The following UMAD1 variants were observed in gnomAD, a reference collection of about 807,000 sequenced individuals.
UMAD1 encodes UBAP1-MVB12-associated (UMA)-domain containing protein 1.
UMAD1 carries 8 observed loss-of-function variants against 6.1 expected under a neutral mutation model. That is an observed-to-expected ratio of 1.30 (90% CI 0.76 to 2.35). The LOEUF (loss-of-function observed/expected upper bound fraction) is 2.35. Ranked by LOEUF, UMAD1 falls within the 30% of genes most tolerant of loss-of-function variation. The pLI, the probability that UMAD1 is intolerant of heterozygous loss-of-function variation, is 0.00. For missense variants in UMAD1, 130 were observed against 78.4 expected, an observed-to-expected ratio of 1.66 and a Z score of -2.49; for synonymous variants, 56 against 31.4, an observed-to-expected ratio of 1.78 and a Z score of -2.61.
At chr7:7,642,613 G>A (rs574212065) in intron 1 of UMAD1, among the ~76,000 whole-genome samples, 8 of 152,104 alleles carry the variant, frequency 5.3e-5, no homozygotes, top group Middle Eastern at 6.8e-3. Context: ...CAGCTTTTTC[G>A]TGTATTTTTG....
intron 3 of UMAD1, among the ~76,000 whole-genome samples, chr7:7,803,526 A>G (rs1371081607): frequency 4.6e-5 from 7 of 152,210 alleles, no homozygotes. Context: ...GGATGGTTCA[A>G]AAATCATCCA....
At chr7:7,684,200 G>C (rs1490746862) in intron 2 of UMAD1, among the ~76,000 whole-genome samples, 2 of 151,852 alleles carry the variant, frequency 1.3e-5, no homozygotes, top group Admixed American at 1.3e-4. Context: ...GTTTAGCACA[G>C]ATGCAATTTT....
intron 2 of UMAD1, among the ~76,000 whole-genome samples, chr7:7,758,133 C>T (rs1377002639): frequency 6.6e-6 from 1 of 151,986 alleles, no homozygotes; most frequent in Non-Finnish European, 1.5e-5. Flanking sequence ...TGGTCTTGAA[C>T]TCCTGGGCTC....
At chr7:7,844,824 G>A (rs932569940) in intron 3 of UMAD1, among the ~76,000 whole-genome samples, 5 of 151,972 alleles carry the variant, frequency 3.3e-5, no homozygotes, top group Admixed American at 2.0e-4. Flanking sequence ...AAAATATTAG[G>A]GACCCCTTAA....
chr7:7,765,542 TC>T (rs1423637407), intron 2 of UMAD1, among the ~76,000 whole-genome samples: 1 of 152,218 alleles, frequency 6.6e-6, no homozygotes, highest in African/African-American at 2.4e-5. Flanking sequence ...ACTGTTTAGG[TC>T]ATTGACTTTG....
chr7:7,654,605 T>G (rs1366962151), intron 1 of UMAD1, among the ~76,000 whole-genome samples: 1 of 152,178 alleles, frequency 6.6e-6, no homozygotes, highest in African/African-American at 2.4e-5. Context: ...TGTAAATAGT[T>G]ATATTTTAAA....
At chr7:7,844,347 C>G (rs1783743810) in intron 3 of UMAD1, among the ~76,000 whole-genome samples, 1 of 152,070 alleles carries the variant, frequency 6.6e-6, no homozygotes, top group Non-Finnish European at 1.5e-5. Flanking sequence ...TACCATTTCT[C>G]CTTTCAAGGT....
chr7:7,815,286 ATTTAT>A (rs1018990063), intron 3 of UMAD1, among the ~76,000 whole-genome samples: 8 of 152,156 alleles, frequency 5.3e-5, no homozygotes, highest in African/African-American at 1.9e-4. Context: ...AATATGTAAT[ATTTAT>A]TTGTATGTCT....
chr7:7,870,860 C>T (rs541729006), intron 3 of UMAD1, among the ~76,000 whole-genome samples: 6 of 152,184 alleles, frequency 3.9e-5, no homozygotes, highest in African/African-American at 7.2e-5. Context: ...TGGAGTAATA[C>T]TTACAGCACA....
intron 3 of UMAD1, among the ~76,000 whole-genome samples, chr7:7,871,902 G>A (rs944315827): frequency 2.0e-4 from 30 of 151,894 alleles, no homozygotes; most frequent in African/African-American, 7.3e-4. Flanking sequence ...CTGCTGGAGA[G>A]TTAAGCCTTA....
chr7:7,829,902 G>T (rs934510364), intron 3 of UMAD1, among the ~76,000 whole-genome samples: 5 of 152,122 alleles, frequency 3.3e-5, no homozygotes, highest in African/African-American at 1.2e-4. Context: ...ACTAGGAGCT[G>T]TCAGAGAGTC....
At chr7:7,721,825 G>C (rs1438363467) in intron 2 of UMAD1, among the ~76,000 whole-genome samples, 1 of 152,184 alleles carries the variant, frequency 6.6e-6, no homozygotes, top group Non-Finnish European at 1.5e-5. Flanking sequence ...TCCTGGGTGT[G>C]TCTGTGTGGG....
intron 3 of UMAD1, among the ~76,000 whole-genome samples, chr7:7,807,567 A>C (rs980879087): frequency 6.6e-6 from 1 of 152,090 alleles, no homozygotes; most frequent in African/African-American, 2.4e-5. Flanking sequence ...ATTCAAGTAC[A>C]TCTCTCGACC....
chr7:7,816,514 G>A (rs1583847066), intron 3 of UMAD1, among the ~76,000 whole-genome samples: 1 of 152,234 alleles, frequency 6.6e-6, no homozygotes, highest in South Asian at 2.1e-4. Context: ...TCAGAGGTGG[G>A]AATGACTGCC....
At chr7:7,872,181 T>C (rs1784344764) in intron 3 of UMAD1, among the ~76,000 whole-genome samples, 1 of 152,192 alleles carries the variant, frequency 6.6e-6, no homozygotes, top group African/African-American at 2.4e-5. Context: ...ATATTTCGGG[T>C]TCAGTTCTAC....
rs1411397399 is a variant in UMAD1 at position 7,712,594 on chromosome 7, ATTTTCTAAGTACGTAATTATAACC to A, written c.82+39143_82+39166del. Among the ~76,000 whole-genome samples the A allele has an allele frequency of 8.5e-5, 13 of 152,150 alleles. No individual in the cohort carries two copies. In the East Asian group the frequency reaches 2.3e-3, roughly 27 times the overall value. Reference sequence around the variant, plus strand: ...ATAATTCATCTTTAGATTCTTTTGAATTTTCTAAGTACGTAATTATAACCTCTGTGAATAGTGAGTTTTGTTTCA... The same window carrying A: ...ATAATTCATCTTTAGATTCTTTTGAATCTGTGAATAGTGAGTTTTGTTTCA... On this transcript the variant is annotated intron_variant, in intron 2 of 3. Coordinates refer to ENST00000682710, the MANE Select transcript of UMAD1 (RefSeq NM_001302348.2).
intron 3 of UMAD1, among the ~76,000 whole-genome samples, chr7:7,827,235 G>T (rs2115301778): frequency 6.6e-6 from 1 of 150,542 alleles, no homozygotes; most frequent in East Asian, 2.0e-4. Flanking sequence ...TGTTAATCAT[G>T]TAGTAAAAAT....
At chr7:7,816,312 C>A (rs1783125723) in intron 3 of UMAD1, among the ~76,000 whole-genome samples, 1 of 152,218 alleles carries the variant, frequency 6.6e-6, no homozygotes, top group African/African-American at 2.4e-5. Flanking sequence ...CAGAAACCTG[C>A]TGTTTCACTT....
At chr7:7,834,971 C>T (rs1390654894) in intron 3 of UMAD1, among the ~76,000 whole-genome samples, 2 of 151,686 alleles carry the variant, frequency 1.3e-5, no homozygotes, top group African/African-American at 2.4e-5. Flanking sequence ...GGAAGCCACA[C>T]ATTTTAAAAA....
Sources: allele counts gnomAD v4.1 joint callset (sites outside exome capture counted in the v4.1 genomes callset), GRCh38; gene constraint gnomAD v4.1.1; transcripts MANE v1.5; gene names NCBI Gene and HGNC (gene_info 2026-07-23, HGNC 2026-07-21).